Variants in GLIS1 observed in about 807,000 individuals in gnomAD.
GLIS1 encodes zinc finger protein GLIS1.
Under a neutral mutation model 63.8 loss-of-function variants are expected in GLIS1, and 24 were observed. The observed-to-expected ratio is 0.38, with a 90% CI of 0.27 to 0.53. The LOEUF (loss-of-function observed/expected upper bound fraction) is 0.53. GLIS1 is among the 20% of genes least tolerant of loss of function. The pLI is 0.85. For synonymous variants in GLIS1, 450 were observed against 482.5 expected (o/e 0.93, Z 0.88); for missense variants, 1,036 against 1,074.1 (o/e 0.96, Z 0.50).
chr1:53,506,801 G>A (rs1268201043), intron 10 of GLIS1, 25 bp from the exon 11 acceptor site: 5 of 1,598,690 alleles, frequency 3.1e-6, no homozygotes, highest in Non-Finnish European at 4.2e-6. Flanking sequence ...GAAAGGGTCA[G>A]CGCTGGAGGC....
chr1:53,717,175 T>C (rs1646708303), intron 2 of GLIS1, among the ~76,000 whole-genome samples: 1 of 152,220 alleles, frequency 6.6e-6, no homozygotes, highest in Non-Finnish European at 1.5e-5. Context: ...ACAGCTGTGA[T>C]CACGGCCAAG....
At chr1:53,629,584 G>A (rs1213850878) in intron 2 of GLIS1, among the ~76,000 whole-genome samples, 4 of 152,122 alleles carry the variant, frequency 2.6e-5, no homozygotes, top group Non-Finnish European at 5.9e-5. Context: ...CCACCACACC[G>A]GCCTCCTCCC....
chr1:53,556,068 CTG>C (rs1644819619), intron 4 of GLIS1, among the ~76,000 whole-genome samples: 1 of 99,454 alleles, frequency 1.0e-5, no homozygotes, highest in Non-Finnish European at 1.9e-5. Flanking sequence ...TGCAGGTATA[CTG>C]TAGGTTTGTG....
chr1:53,626,728 C>T (rs1320847776), intron 2 of GLIS1, among the ~76,000 whole-genome samples: 1 of 152,116 alleles, frequency 6.6e-6, no homozygotes, highest in Non-Finnish European at 1.5e-5. Context: ...TCAGTGATGC[C>T]CTCAGTGCAA....
At chr1:53,555,396 G>T (rs1644808724) in intron 4 of GLIS1, among the ~76,000 whole-genome samples, 1 of 152,166 alleles carries the variant, frequency 6.6e-6, no homozygotes, top group African/African-American at 2.4e-5. Context: ...TGGGCGCGGT[G>T]GTGGGCGCCT....
At chr1:53,612,271 G>C (rs149456497) in intron 2 of GLIS1, among the ~76,000 whole-genome samples, 3 of 151,996 alleles carry the variant, frequency 2.0e-5, no homozygotes, top group Non-Finnish European at 4.4e-5. Context: ...ATGGAGTCTC[G>C]CTCTGTCACC....
At chr1:53,535,053 A>G (rs7520584) in intron 4 of GLIS1, among the ~76,000 whole-genome samples, 121,422 of 151,906 alleles carry the variant, frequency 0.8, 49,174 homozygotes, top group Middle Eastern at 0.89. Context: ...AAGAGGTGGG[A>G]TATGTTCTGG....
intron 4 of GLIS1, among the ~76,000 whole-genome samples, chr1:53,584,482 C>T (rs1645114686): frequency 6.6e-6 from 1 of 152,178 alleles, no homozygotes; most frequent in Admixed American, 6.5e-5. Context: ...CTGAGGAAAT[C>T]CTTCTCCCTC....
rs888384911 is a variant in GLIS1 at position 53,639,884 on chromosome 1, C to A, written c.260-39606G>T. Among the ~76,000 whole-genome samples the A allele has an allele frequency of 2.0e-5, 3 of 152,184 alleles. No homozygotes were observed. The highest frequency in any genetic ancestry group is 4.8e-5 in the African/African-American group (2 of 41,436). ...ATGTTGTTTAAAAGCTGTGGCTTTG[C>A]TGCTAATAGTCCTGGGTTCAAATCC... On this transcript the variant is annotated intron_variant, in intron 2 of 10. Transcript: ENST00000628545. This position sits in a 1 kb window ranked among gnomAD's most constrained non-coding sequence, Gnocchi z 4.6.
chr1:53,606,881 G>A (rs933412199), intron 2 of GLIS1, among the ~76,000 whole-genome samples: 3 of 152,208 alleles, frequency 2.0e-5, no homozygotes, highest in African/African-American at 4.8e-5. Context: ...CTAGACTTAC[G>A]GGGACTCGGG....
rs1644239715 is a variant in GLIS1 at position 53,506,874 on chromosome 1, T to C, written c.2231-98A>G. On this transcript the variant is annotated intron_variant, in intron 10 of 10. Coordinates refer to ENST00000628545, the MANE Select transcript of GLIS1 (RefSeq NM_001367484.1). ...GCCCCACCCCGCCTGCCCAGGGTCATCCCCTCACAGTGTCCCGTCGGTGGG... is the reference window on the plus strand; with the variant it reads ...GCCCCACCCCGCCTGCCCAGGGTCACCCCCTCACAGTGTCCCGTCGGTGGG... 4 of 1,232,672 alleles carry C rather than the reference T, an allele frequency of 3.2e-6. No homozygotes were observed. The Admixed American group carries it at 6.9e-5, about 21-fold the overall frequency. 76.4% of individuals were successfully genotyped at this position (1,232,672 alleles called of 1,614,324 possible).
intron 4 of GLIS1, among the ~76,000 whole-genome samples, chr1:53,590,674 T>C (rs967597647): frequency 2.6e-5 from 4 of 152,182 alleles, no homozygotes; most frequent in African/African-American, 9.7e-5. Flanking sequence ...GTAACACAGA[T>C]GAAGCACCAC....
intron 2 of GLIS1, among the ~76,000 whole-genome samples, chr1:53,696,098 A>G (rs1235239513): frequency 6.6e-6 from 1 of 152,256 alleles, no homozygotes; most frequent in African/African-American, 2.4e-5. Flanking sequence ...ACAAGGTGGG[A>G]CAATTCTGAA....
intron 4 of GLIS1, among the ~76,000 whole-genome samples, chr1:53,583,240 G>A (rs916162823): frequency 3.9e-5 from 6 of 152,276 alleles, no homozygotes; most frequent in Admixed American, 1.3e-4. Context: ...TCCAGCCACC[G>A]CCCTGTGCCT....
chr1:53,580,785 C>A (rs1430937020), intron 4 of GLIS1, among the ~76,000 whole-genome samples: 1 of 152,180 alleles, frequency 6.6e-6, no homozygotes, highest in African/African-American at 2.4e-5. Context: ...TTTAAAATAG[C>A]TGTTTTTGGA....
intron 2 of GLIS1, among the ~76,000 whole-genome samples, chr1:53,668,723 T>G (rs1204894867): frequency 2.6e-5 from 4 of 152,178 alleles, no homozygotes; most frequent in African/African-American, 9.7e-5. Flanking sequence ...GCTTACAGTA[T>G]TGAGTACAGT....
intron 5 of GLIS1, among the ~76,000 whole-genome samples, 167 bp from the exon 6 acceptor site, chr1:53,525,054 G>A (rs760586824): frequency 2.6e-5 from 4 of 152,188 alleles, no homozygotes; most frequent in Non-Finnish European, 4.4e-5. Context: ...CCTGGCCTGG[G>A]AGCGGAGCAA....
intron 10 of GLIS1, 43 bp downstream of exon 10, chr1:53,509,077 T>A: frequency 6.6e-7 from 1 of 1,508,342 alleles, no homozygotes; most frequent in Non-Finnish European, 8.9e-7. Flanking sequence ...GGGTTGAGCC[T>A]CGGCAGGTGC....
In GLIS1 at chr1:53,539,748, C is replaced by T. The variant is rs532653847; in HGVS notation, c.1321-9796G>A. Among the ~76,000 whole-genome samples, 342 of 152,284 alleles carry T rather than the reference C, an allele frequency of 2.2e-3. 1 individual carries two copies. The highest frequency in any genetic ancestry group is 8.0e-3 in the African/African-American group (334 of 41,552). On this transcript the variant is annotated intron_variant, in intron 4 of 10. Coordinates refer to ENST00000628545, the MANE Select transcript of GLIS1 (RefSeq NM_001367484.1). This position sits in a 1 kb window ranked among gnomAD's most constrained non-coding sequence, Gnocchi z 5.0. ...ACTGCCCCACGCATAGCACAGCACA[C>T]GTGGAAACTGGCCACCTGGAACATG...
Sources: allele counts gnomAD v4.1 joint callset (sites outside exome capture counted in the v4.1 genomes callset), GRCh38; gene constraint gnomAD v4.1.1; non-coding constraint Gnocchi (gnomAD v3.1); transcripts MANE v1.5; gene names NCBI Gene and HGNC (gene_info 2026-07-23, HGNC 2026-07-21).